Variants in ADAMTS9 observed in about 807,000 individuals in gnomAD.
ADAMTS9 encodes A disintegrin and metalloproteinase with thrombospondin motifs 9.
ADAMTS9 carries 107 observed loss-of-function variants against 257.1 expected under a neutral mutation model. That is an observed-to-expected ratio of 0.42 (90% CI 0.36 to 0.49). The LOEUF is 0.49. ADAMTS9 is among the 20% of genes least tolerant of loss of function. ADAMTS9 has a pLI of 0.03. For missense variants in ADAMTS9, 2,353 were observed against 2,469.1 expected, an observed-to-expected ratio of 0.95 and a Z score of 1.00; for synonymous variants, 982 against 880.9, an observed-to-expected ratio of 1.11 and a Z score of -2.03.
intron 3 of ADAMTS9, among the ~76,000 whole-genome samples, chr3:64,667,649 C>A (rs1259380551): frequency 6.6e-6 from 1 of 152,132 alleles, no homozygotes; most frequent in African/African-American, 2.4e-5. Context: ...GTGCACTACC[C>A]CCAAAAGCCC....
At chr3:64,597,215 G>C (rs1005513149) in intron 26 of ADAMTS9, among the ~76,000 whole-genome samples, 1 of 152,144 alleles carries the variant, frequency 6.6e-6, no homozygotes, top group Non-Finnish European at 1.5e-5. Context: ...CTTCTCTTCT[G>C]GTGTGCCTCA....
intron 31 of ADAMTS9, among the ~76,000 whole-genome samples, chr3:64,549,111 C>G (rs534328583): frequency 2.6e-3 from 394 of 152,274 alleles, no homozygotes; most frequent in Non-Finnish European, 4.5e-3. Context: ...TCCCTTTCGG[C>G]CCCTCTCCCC....
intron 39 of ADAMTS9, among the ~76,000 whole-genome samples, chr3:64,518,763 C>CTTTTTTTTTTTTTTTTTTTTTTTTT (rs1491154708): frequency 2.3e-5 from 2 of 88,714 alleles, no homozygotes; most frequent in African/African-American, 6.8e-5. Flanking sequence ...ATTACCTTTT[C>CTTTTTTTTTTTTTTTTTTTTTTTTT]ATTTTTTTTT....
At chr3:64,650,095 G>A (rs1700894661) in intron 9 of ADAMTS9, 2 of 228,264 alleles carry the variant, frequency 8.8e-6, no homozygotes, top group East Asian at 1.9e-4. Context: ...CTTTCTAAGG[G>A]CAAAGATAGT....
intron 32 of ADAMTS9, among the ~76,000 whole-genome samples, chr3:64,544,490 C>A (rs902948619): frequency 2.0e-5 from 3 of 152,054 alleles, no homozygotes; most frequent in Admixed American, 1.3e-4. Flanking sequence ...CTTTGACAAA[C>A]CTGACAAAAA....
At position 64,616,103 on chromosome 3, in the gene ADAMTS9, A is replaced by G. The variant is rs145543781; in HGVS notation, c.2881T>C (p.Tyr961His). ...TCCAGCCTGCTATATTTGGCACAGT[A>G]GATGTCCAATGTGCGGTAACCCAAG... ...CGLGYRTLDI[Y>H]CAKYSRLDGK... The change falls in exon 20 of 40, where the codon TAC becomes CAC. Residue 961 changes from tyrosine (Y) to histidine (H), a missense_variant. By Grantham distance (83) the Tyr-to-His change is moderately conservative. Transcript: ENST00000498707. The G allele has an allele frequency of 2.5e-6, 4 of 1,614,160 alleles. No homozygotes were observed. Among genetic ancestry groups the G allele is most frequent in the Non-Finnish European group, 3.4e-6 (4 of 1,179,992 alleles).
intron 16 of ADAMTS9, among the ~76,000 whole-genome samples, chr3:64,626,367 G>A (rs1576132538): frequency 6.6e-6 from 1 of 152,290 alleles, no homozygotes; most frequent in East Asian, 1.9e-4. Flanking sequence ...TGTTAAATGA[G>A]TAAATGAGTT....
intron 31 of ADAMTS9, among the ~76,000 whole-genome samples, chr3:64,549,216 T>C (rs2083239637): frequency 6.6e-6 from 1 of 152,200 alleles, no homozygotes; most frequent in Admixed American, 6.5e-5. Flanking sequence ...GACTTTTCAA[T>C]TCATGATACA....
intron 3 of ADAMTS9, among the ~76,000 whole-genome samples, chr3:64,672,836 T>G (rs578182371): frequency 6.6e-6 from 1 of 152,332 alleles, no homozygotes; most frequent in East Asian, 1.9e-4. Context: ...CCTTTAAGGA[T>G]AGAAAAGGTA....
In ADAMTS9 at chr3:64,524,557, T is replaced by G. The variant is rs538578279; in HGVS notation, c.5719-2297A>C. Among the ~76,000 whole-genome samples the G allele has an allele frequency of 5.8e-4, 88 of 152,344 alleles. 1 individual carries two copies. Among genetic ancestry groups the G allele is most frequent in the Admixed American group, 2.3e-3 (35 of 15,294 alleles). On this transcript the variant is annotated intron_variant, in intron 38 of 39. Coordinates refer to ENST00000498707, the MANE Select transcript of ADAMTS9 (RefSeq NM_182920.2). The stretch of plus-strand genomic sequence containing the variant: ...AGCGAAATATTTTCCTCCCCCAATA[T>G]CCCATTCATCTCCTCAGGTGATCTG...
chr3:64,567,395 A>C (rs891621603), intron 29 of ADAMTS9, among the ~76,000 whole-genome samples: 1 of 152,242 alleles, frequency 6.6e-6, no homozygotes, highest in Admixed American at 6.5e-5. Context: ...TCATTGATTC[A>C]GATCAGTGGA....
Position 64,631,530 on chromosome 3 carries a change from T to C in ADAMTS9, c.2314A>G (p.Ile772Val). The change falls in exon 16 of 40, where the codon ATT becomes GTT. Residue 772 changes from isoleucine to valine, a missense_variant. By Grantham distance (29) the Ile-to-Val change is conservative. Around this residue, in one of 3 missense-constraint regions of ADAMTS9, gnomAD observed 360 missense variants for 458.1 expected, o/e 0.79. Transcript: ENST00000498707. ...TCAATATTGGTAGCACCAGCTGGAA[T>C]TCGGACCACAGTATTGTAACCTGAA... ...VHYGYNTVVR[I>V]PAGATNIDVR... The C allele has an allele frequency of 6.2e-7, 1 of 1,614,084 alleles. No individual in the cohort carries two copies. The highest frequency in any genetic ancestry group is 8.5e-7 in the Non-Finnish European group (1 of 1,179,932).
Position 64,686,673 on chromosome 3 carries a change from G to A in ADAMTS9, c.411C>T (p.Thr137=). 1 of 1,614,196 alleles carries A rather than the reference G, an allele frequency of 6.2e-7. No homozygotes were observed. The highest frequency in any genetic ancestry group is 1.1e-5 in the South Asian group (1 of 91,092). Residue 137 remains threonine (T), a synonymous_variant, in exon 2 of 40, where the codon ACC becomes ACT. Coordinates refer to ENST00000498707, the MANE Select transcript of ADAMTS9 (RefSeq NM_182920.2). The surrounding 1 kb of genome is among the most constrained non-coding windows in gnomAD (Gnocchi z 4.6). ...CCGCTTCCTCTTCGGAATAAAACTTGGTCTGATTCACCCCGGGCGTCCCGA... is the reference window on the plus strand; with the variant it reads ...CCGCTTCCTCTTCGGAATAAAACTTAGTCTGATTCACCCCGGGCGTCCCGA... The part of the protein sequence containing the change: ...TLLGTPGVNQ[T]KFYSEEEAEL...
intron 26 of ADAMTS9, among the ~76,000 whole-genome samples, chr3:64,598,075 TG>T: frequency 6.6e-6 from 1 of 152,346 alleles, no homozygotes; most frequent in East Asian, 1.9e-4. Flanking sequence ...GAATACATTT[TG>T]TTGCTAATTG....
In ADAMTS9 at chr3:64,633,892, A is replaced by T; in HGVS notation, c.1857-13T>A. On this transcript the variant is annotated splice_polypyrimidine_tract_variant and intron_variant, in intron 12 of 39. Coordinates refer to ENST00000498707, the MANE Select transcript of ADAMTS9 (RefSeq NM_182920.2). ...ACCATTTTTTGGTCTGAAAAAGAAA[A>T]AATGTGAAGAGCACACACACTGTAT... The T allele has an allele frequency of 6.2e-7, 1 of 1,605,038 alleles. No homozygotes were observed. Among genetic ancestry groups the T allele is most frequent in the Non-Finnish European group, 8.5e-7 (1 of 1,175,700 alleles).
At chr3:64,654,681 G>C in intron 6 of ADAMTS9, 69 bp from the exon 7 acceptor site, 1 of 1,545,676 alleles carries the variant, frequency 6.5e-7, no homozygotes, top group East Asian at 2.3e-5. Context: ...AAATACTTTA[G>C]GGTCGTCTAG....
At chr3:64,525,799 C>T (rs1208157308) in intron 38 of ADAMTS9, among the ~76,000 whole-genome samples, 2 of 151,444 alleles carry the variant, frequency 1.3e-5, no homozygotes, top group Non-Finnish European at 2.9e-5. Context: ...TTAGTAGAGA[C>T]AGGGTTTCAC....
At chr3:64,589,348 TG>T (rs1419211433) in intron 28 of ADAMTS9, 1 of 152,216 alleles carries the variant, frequency 6.6e-6, no homozygotes, top group African/African-American at 2.4e-5. Context: ...ACATCCTTTA[TG>T]GAATATAAAC....
At chr3:64,587,252 G>T (rs1337213963) in intron 28 of ADAMTS9, 4 of 152,188 alleles carry the variant, frequency 2.6e-5, no homozygotes. Context: ...CACAAGAAAG[G>T]CAAGAGAATG....
Sources: allele counts gnomAD v4.1 joint callset (sites outside exome capture counted in the v4.1 genomes callset), GRCh38; gene constraint gnomAD v4.1.1; regional missense constraint gnomAD v4.1.1; non-coding constraint Gnocchi (gnomAD v3.1); transcripts MANE v1.5; gene names NCBI Gene and HGNC (gene_info 2026-07-23, HGNC 2026-07-21).